SUMF1: variants seen among roughly 807,000 people sequenced by gnomAD.
SUMF1 encodes the protein sulfatase modifying factor 1.
SUMF1 carries 48 observed loss-of-function variants against 47.6 expected under a neutral mutation model. That is an observed-to-expected ratio of 1.01 (90% CI 0.80 to 1.28). SUMF1 has a LOEUF of 1.28. Among genes scored for constraint, SUMF1 ranks in the 50% most tolerant of loss-of-function variants. SUMF1 has a pLI of 0.00. For synonymous variants in SUMF1, 230 were observed against 192.1 expected, an observed-to-expected ratio of 1.20 and a Z score of -1.63; for missense variants, 571 against 485.4, an observed-to-expected ratio of 1.18 and a Z score of -1.66.
intron 8 of SUMF1, among the ~76,000 whole-genome samples, chr3:4,367,158 G>A (rs985585223): frequency 3.5e-4 from 54 of 152,214 alleles, no homozygotes; most frequent in African/African-American, 8.4e-4. Context: ...TAGGCTGCTC[G>A]GGGGTCAGGG....
At chr3:4,191,138 T>C (rs541444677) in intron 8 of SUMF1, among the ~76,000 whole-genome samples, 2 of 152,288 alleles carry the variant, frequency 1.3e-5, no homozygotes, top group South Asian at 4.1e-4. Flanking sequence ...GGCAGCAATC[T>C]GGTTGGAAGG....
At chr3:4,352,229 G>C (rs1380657661) in intron 8 of SUMF1, among the ~76,000 whole-genome samples, 1 of 152,138 alleles carries the variant, frequency 6.6e-6, no homozygotes, top group Non-Finnish European at 1.5e-5. Context: ...ACTCAACCGT[G>C]TCACCTGGGG....
intron 8 of SUMF1, among the ~76,000 whole-genome samples, chr3:4,149,434 A>G (rs1377007357): frequency 1.3e-5 from 2 of 152,024 alleles, no homozygotes; most frequent in African/African-American, 4.8e-5. Context: ...GCCCAGCCCT[A>G]CTCAATCTAC....
chr3:4,080,669 T>A (rs138671498), intron 8 of SUMF1, among the ~76,000 whole-genome samples: 1 of 152,124 alleles, frequency 6.6e-6, no homozygotes, highest in Admixed American at 6.5e-5. Flanking sequence ...ACATGTAATA[T>A]ACGTTACCTT....
intron 9 of SUMF1, among the ~76,000 whole-genome samples, chr3:4,038,493 G>A (rs755267239): frequency 1.3e-5 from 2 of 152,118 alleles, no homozygotes; most frequent in African/African-American, 2.4e-5. Flanking sequence ...AGTTGCTCCC[G>A]GGGGATCCGC....
intron 8 of SUMF1, among the ~76,000 whole-genome samples, chr3:4,180,794 A>T (rs951279625): frequency 1.3e-5 from 2 of 150,500 alleles, no homozygotes; most frequent in African/African-American, 4.9e-5. Context: ...TTGAGGTTAC[A>T]GTGAGCTGAG....
intron 9 of SUMF1, among the ~76,000 whole-genome samples, chr3:4,047,942 G>A (rs1237494972): frequency 1.3e-5 from 2 of 151,988 alleles, no homozygotes; most frequent in Non-Finnish European, 2.9e-5. Context: ...TCGATCCTAT[G>A]GCATAGTTCC....
intron 8 of SUMF1, among the ~76,000 whole-genome samples, chr3:4,182,956 C>T (rs544390818): frequency 3.9e-5 from 6 of 152,160 alleles, no homozygotes; most frequent in East Asian, 1.9e-4. Context: ...AAAACCCAGC[C>T]AATTATCTTG....
intron 8 of SUMF1, among the ~76,000 whole-genome samples, chr3:4,206,427 G>A (rs1053328317): frequency 2.0e-5 from 3 of 152,082 alleles, no homozygotes; most frequent in African/African-American, 2.4e-5. Context: ...GTGAGGGCTG[G>A]TCTAAATACT....
chr3:4,264,880 T>C (rs1221227496), intron 8 of SUMF1, among the ~76,000 whole-genome samples: 1 of 152,186 alleles, frequency 6.6e-6, no homozygotes, highest in African/African-American at 2.4e-5. Flanking sequence ...ACGCCTGTAA[T>C]CCCAGCACTT....
chr3:4,066,660 A>T (rs531807201), intron 9 of SUMF1, among the ~76,000 whole-genome samples: 96 of 152,156 alleles, frequency 6.3e-4, no homozygotes, highest in African/African-American at 2.1e-3. Context: ...ATACACCCCC[A>T]ACCCCATTTT....
chr3:4,146,416 G>A (rs1559509581), intron 8 of SUMF1, among the ~76,000 whole-genome samples: 1 of 152,060 alleles, frequency 6.6e-6, no homozygotes, highest in African/African-American at 2.4e-5. Context: ...GGGGGGGAAA[G>A]GTGAATGGAG....
At chr3:4,150,544 C>T (rs993707668) in intron 8 of SUMF1, among the ~76,000 whole-genome samples, 21 of 90,576 alleles carry the variant, frequency 2.3e-4, no homozygotes, top group Middle Eastern at 5.6e-3. Flanking sequence ...AGTGAGACTC[C>T]GTCTCAAAAA....
Position 4,439,525 on chromosome 3 carries a change from C to CA in SUMF1, c.519+9740dup, listed in dbSNP as rs1052418283. 9.9e-3 allele frequency among the ~76,000 whole-genome samples: 1,408 copies of CA among 142,464 alleles called. 16 individuals carry two copies. The highest frequency in any genetic ancestry group is 0.033 in the African/African-American group (1,293 of 39,052). The allele number at this position is 142,464 out of a possible 152,430, so 93.5% of individuals were successfully genotyped here. ...TGGGTGACAGAGCCAAACCCTGTCT[C>CA]AAAAAAAAAAAGTTAAGTGGCTTTT... On this transcript the variant is annotated intron_variant, in intron 3 of 8. Coordinates refer to ENST00000272902, the MANE Select transcript of SUMF1 (RefSeq NM_182760.4).
At chr3:4,250,945 G>A (rs965798490) in intron 8 of SUMF1, among the ~76,000 whole-genome samples, 1 of 152,094 alleles carries the variant, frequency 6.6e-6, no homozygotes, top group African/African-American at 2.4e-5. Context: ...ACCTCCTAAC[G>A]ATATTCATTC....
chr3:4,046,244 G>A (rs564804331), intron 9 of SUMF1, among the ~76,000 whole-genome samples: 4 of 152,258 alleles, frequency 2.6e-5, no homozygotes, highest in Non-Finnish European at 4.4e-5. Flanking sequence ...GGCCCAAGTC[G>A]TGAGTTGAAT....
chr3:4,417,244 T>G lies in SUMF1; in HGVS notation c.726-2A>C. 6.2e-7 allele frequency: 1 copy of G among 1,613,776 alleles called. No individual in the cohort carries two copies. The highest frequency in any genetic ancestry group is 1.1e-5 in the South Asian group (1 of 91,078). Reference sequence around the variant, plus strand: ...AGTTTGTTGCCCCAGGGGAAAAGTCTGTCAGAAGAGACACAGGCATCAGCC... The same window carrying G: ...AGTTTGTTGCCCCAGGGGAAAAGTCGGTCAGAAGAGACACAGGCATCAGCC... On this transcript the variant is annotated splice_acceptor_variant, in intron 5 of 8. Transcript: ENST00000272902. LOFTEE classifies it high-confidence loss of function.
chr3:4,457,248 T>A (rs2079686350), intron 1 of SUMF1, among the ~76,000 whole-genome samples: 1 of 151,882 alleles, frequency 6.6e-6, no homozygotes, highest in Admixed American at 6.6e-5. Flanking sequence ...AGCCAGCATT[T>A]CTTTATACTA....
intron 8 of SUMF1, among the ~76,000 whole-genome samples, chr3:4,135,266 T>C (rs544887520): frequency 4.4e-4 from 67 of 152,206 alleles, no homozygotes; most frequent in South Asian, 1.7e-3. Flanking sequence ...ATCAAAAAGT[T>C]TATCCACCAT....
Sources: allele counts gnomAD v4.1 joint callset (sites outside exome capture counted in the v4.1 genomes callset), GRCh38; gene constraint gnomAD v4.1.1; transcripts MANE v1.5; gene names NCBI Gene and HGNC (gene_info 2026-07-23, HGNC 2026-07-21).